Variants in CDC26 observed in about 807,000 individuals in gnomAD.
CDC26 encodes anaphase-promoting complex subunit CDC26.
CDC26 carries 2 observed loss-of-function variants against 8.0 expected under a neutral mutation model. The observed-to-expected ratio is 0.25, with a 90% CI of 0.10 to 0.79. CDC26 has a LOEUF of 0.79. Ranked by LOEUF, CDC26 falls within the 30% of genes least tolerant of loss-of-function variation. The pLI is 0.70. For missense variants in CDC26, 68 were observed against 106.0 expected, an observed-to-expected ratio of 0.64 and a Z score of 1.57; for synonymous variants, 19 against 34.9, an observed-to-expected ratio of 0.55 and a Z score of 1.60.
At chr9:113,272,715 T>G (rs557542481) in intron 2 of CDC26, among the ~76,000 whole-genome samples, 167 bp from the exon 3 acceptor site, 39 of 150,674 alleles carry the variant, frequency 2.6e-4, no homozygotes, top group Admixed American at 1.2e-3. Context: ...TTTTAAGAGA[T>G]AGGATCTTGC....
At chr9:113,270,480 TA>T (rs111454612) in intron 3 of CDC26, among the ~76,000 whole-genome samples, 13,970 of 152,016 alleles carry the variant, frequency 0.092, 992 homozygotes, top group African/African-American at 0.19. Context: ...GATTTTACAA[TA>T]AAAAAAATTG....
intron 3 of CDC26, among the ~76,000 whole-genome samples, chr9:113,270,642 A>C (rs529431134): frequency 1.3e-5 from 2 of 152,322 alleles, no homozygotes; most frequent in South Asian, 4.1e-4. Flanking sequence ...GAAGACTGGA[A>C]GAAAGGGAGC....
At chr9:113,272,236 T>C (rs1831969818) in intron 3 of CDC26, among the ~76,000 whole-genome samples, 191 bp downstream of exon 3, 1 of 151,978 alleles carries the variant, frequency 6.6e-6, no homozygotes, top group African/African-American at 2.4e-5. Context: ...GGCCCCAACA[T>C]GGCAAAACCC....
At chr9:113,272,610 A>G in intron 2 of CDC26, 62 bp from the exon 3 acceptor site, 1 of 817,926 alleles carries the variant, frequency 1.2e-6, no homozygotes, top group Non-Finnish European at 2.1e-6. Flanking sequence ...TACAAAACAT[A>G]AAATCAATTT....
chr9:113,267,373 G>A lies in CDC26; in HGVS notation c.148C>T (p.Leu50Phe), dbSNP rs568260328. The stretch of plus-strand genomic sequence containing the variant: ...TCCCGGCTCTTGGGATCACTGCTAA[G>A]CCCAATGGCTCCTTCTCCATCACTG... Reference protein sequence around the residue: ...GGSDGEGAIGLSSDPKSREQM... With the variant: ...GGSDGEGAIGFSSDPKSREQM... The change falls in exon 4 of 4, where the codon CTT (leucine) becomes TTT (phenylalanine). Residue 50 changes from leucine to phenylalanine, a missense_variant. Coordinates refer to ENST00000374206, the MANE Select transcript of CDC26 (RefSeq NM_139286.4). 155 of 1,602,756 alleles carry A rather than the reference G, an allele frequency of 9.7e-5. No individual in the cohort carries two copies. The South Asian group carries it at 1.6e-3, about 17-fold the overall frequency.
intron 3 of CDC26, 60 bp from the exon 4 acceptor site, chr9:113,267,499 T>G: frequency 6.4e-7 from 1 of 1,550,736 alleles, no homozygotes; most frequent in Non-Finnish European, 8.7e-7. Context: ...AATGTTTATT[T>G]AGAACACCTA....
chr9:113,274,226 A>G (rs573536933), intron 1 of CDC26, among the ~76,000 whole-genome samples: 1 of 152,350 alleles, frequency 6.6e-6, no homozygotes, highest in African/African-American at 2.4e-5. Context: ...ATAAAGGTCA[A>G]CATGATAAGC....
At chr9:113,273,983 T>A (rs1832007417) in intron 1 of CDC26, among the ~76,000 whole-genome samples, 2 of 152,230 alleles carry the variant, frequency 1.3e-5, no homozygotes, top group South Asian at 4.1e-4. Context: ...CATTTGTATA[T>A]TCTCCACAGC....
At chr9:113,275,074 G>C (rs1249391752) in intron 1 of CDC26, among the ~76,000 whole-genome samples, 1 of 152,060 alleles carries the variant, frequency 6.6e-6, no homozygotes, top group African/African-American at 2.4e-5. Flanking sequence ...CCTCCGCCGG[G>C]TCTTTATTTG....
At chr9:113,269,816 GTTA>G (rs1564230369) in intron 3 of CDC26, among the ~76,000 whole-genome samples, 1 of 152,198 alleles carries the variant, frequency 6.6e-6, no homozygotes, top group African/African-American at 2.4e-5. Context: ...AGAAATCTAA[GTTA>G]TTAGTCTTAA....
At position 113,267,435 on chromosome 9, in the gene CDC26, C is replaced by G; in HGVS notation, c.86G>C (p.Arg29Pro). The G allele has an allele frequency of 1.9e-6, 3 of 1,600,056 alleles. No individual in the cohort carries two copies. The highest frequency in any genetic ancestry group is 1.4e-5 in the African/African-American group (1 of 74,072). ...TTCCACATCTTCCTTCTGTTTCTTACGGGTCTGAAAGTATAAAAGTTTTAG... is the reference window on the plus strand; with the variant it reads ...TTCCACATCTTCCTTCTGTTTCTTAGGGGTCTGAAAGTATAAAAGTTTTAG... ...FENIRKDLET[R>P]KKQKEDVEVV... Residue 29 changes from arginine to proline, a missense_variant, in exon 4 of 4, where the codon CGT becomes CCT. Physicochemically the swap from Arg to Pro is moderately radical, Grantham distance 103 (BLOSUM62 -2). Transcript: ENST00000374206.
chr9:113,271,720 C>T (rs541236641), intron 3 of CDC26, among the ~76,000 whole-genome samples: 68 of 152,314 alleles, frequency 4.5e-4, no homozygotes, highest in Non-Finnish European at 5.3e-4. Flanking sequence ...ACAGCAGCCA[C>T]AGGAGACATA....
intron 1 of CDC26, among the ~76,000 whole-genome samples, chr9:113,274,041 TAGA>T (rs1188634262): frequency 6.6e-6 from 1 of 152,200 alleles, no homozygotes; most frequent in African/African-American, 2.4e-5. Flanking sequence ...GTTTGTTGAC[TAGA>T]AGGTGAGATC....
intron 3 of CDC26, among the ~76,000 whole-genome samples, chr9:113,271,934 C>A (rs1472770948): frequency 6.6e-6 from 1 of 152,126 alleles, no homozygotes; most frequent in Non-Finnish European, 1.5e-5. Flanking sequence ...AACTCCTGGG[C>A]TCAAGCAATC....
rs565170750 is a variant in CDC26 at position 113,267,352 on chromosome 9, G to T, written c.169C>A (p.Arg57=). ...ATCCGATCATTGATCATTTGTTCCC[G>T]GCTCTTGGGATCACTGCTAAGCCCA... ...AIGLSSDPKS[R]EQMINDRIGY... The change falls in exon 4 of 4, where the codon CGG becomes AGG. Residue 57 remains arginine (R), a synonymous_variant. Coordinates refer to ENST00000374206, the MANE Select transcript of CDC26 (RefSeq NM_139286.4). 3.7e-6 allele frequency: 6 copies of T among 1,600,072 alleles called. No individual in the cohort carries two copies. In the African/African-American group the frequency reaches 6.8e-5, roughly 18 times the overall value.
chr9:113,270,247 A>C (rs1209220955), intron 3 of CDC26, among the ~76,000 whole-genome samples: 1 of 152,228 alleles, frequency 6.6e-6, no homozygotes. Flanking sequence ...GTGGAGAGAT[A>C]AGCAAGGACC....
At chr9:113,274,643 C>T (rs553552890) in intron 1 of CDC26, among the ~76,000 whole-genome samples, 18 of 152,256 alleles carry the variant, frequency 1.2e-4, no homozygotes, top group African/African-American at 4.3e-4. Context: ...GGTTAAAGGG[C>T]ACAGGTTTTA....
intron 3 of CDC26, among the ~76,000 whole-genome samples, chr9:113,272,097 T>C (rs1232147779): frequency 6.6e-6 from 1 of 152,172 alleles, no homozygotes; most frequent in Non-Finnish European, 1.5e-5. Context: ...CAAGAATTAT[T>C]ATCTTAAATA....
chr9:113,272,358 G>A, intron 3 of CDC26, 69 bp downstream of exon 3: 2 of 1,215,098 alleles, frequency 1.6e-6, no homozygotes, highest in South Asian at 2.4e-5. Context: ...CCAAGATCAT[G>A]CCACTGTACT....
Sources: gnomAD v4.1 joint callset for allele counts (sites outside exome capture counted in the v4.1 genomes callset) on GRCh38, gnomAD v4.1.1 for gene constraint, MANE v1.5 for transcripts, NCBI Gene and HGNC (gene_info 2026-07-23, HGNC 2026-07-21) for gene names.